C3orf20: variants seen among roughly 807,000 people sequenced by gnomAD.
C3orf20 encodes uncharacterized protein C3orf20.
A neutral mutation model predicts 88.3 loss-of-function variants in C3orf20; 76 were observed. The ratio of observed to expected loss-of-function variants is 0.86; its 90% CI spans 0.72 to 1.04. C3orf20 has a LOEUF of 1.04. Among genes scored for constraint, C3orf20 ranks in the 50% least tolerant of loss-of-function variants. C3orf20 has a pLI of 0.00. For missense variants in C3orf20, 1,056 were observed against 1,123.3 expected (o/e 0.94, Z 0.86); for synonymous variants, 436 against 437.4 (o/e 1.00, Z 0.04).
intron 12 of C3orf20, among the ~76,000 whole-genome samples, chr3:14,730,910 G>A (rs1362872599): frequency 6.6e-6 from 1 of 152,198 alleles, no homozygotes; most frequent in Non-Finnish European, 1.5e-5. Context: ...TGACTATAGA[G>A]GCTGAGCACC....
In C3orf20 at chr3:14,772,123, C is replaced by T; in HGVS notation, c.2552C>T (p.Ser851Leu). 1 of 1,614,228 alleles carries T rather than the reference C, an allele frequency of 6.2e-7. No homozygotes were observed. The highest frequency in any genetic ancestry group is 8.5e-7 in the Non-Finnish European group (1 of 1,180,040). ...EDSESVKKAESEDIQGSSSSL... is the reference protein window; with the variant it reads ...EDSESVKKAELEDIQGSSSSL... The stretch of plus-strand genomic sequence containing the variant: ...TCTGAATCAGTCAAGAAAGCCGAGT[C>T]AGAAGATATCCAAGGAAGCAGCTCC... Residue 851 changes from serine (S) to leucine (L), a missense_variant, in exon 16 of 17, where the codon TCA becomes TTA. By Grantham distance (145) the Ser-to-Leu change is moderately radical. Transcript: ENST00000253697. This position sits in a 1 kb window ranked among gnomAD's most constrained non-coding sequence, Gnocchi z 4.2.
chr3:14,756,497 T>C (rs867906254), intron 12 of C3orf20, among the ~76,000 whole-genome samples: 1 of 152,134 alleles, frequency 6.6e-6, no homozygotes, highest in Non-Finnish European at 1.5e-5. Flanking sequence ...GTAAAAGATA[T>C]GTTAGATAGC....
rs767887030 is a variant in C3orf20 at position 14,684,291 on chromosome 3, G to C, written c.534G>C (p.Gln178His). ...DITRRFVEASQLLHLNAKEMA... is the reference protein window; with the variant it reads ...DITRRFVEASHLLHLNAKEMA... ...CCAGGCGCTTTGTGGAGGCCAGCCAGCTCCTCCACCTCAATGCCAAGGAGA... is the reference window on the plus strand; with the variant it reads ...CCAGGCGCTTTGTGGAGGCCAGCCACCTCCTCCACCTCAATGCCAAGGAGA... Residue 178 changes from glutamine (Q) to histidine (H), a missense_variant, in exon 4 of 17, where the codon CAG becomes CAC. By Grantham distance (24) the Gln-to-His change is conservative. Coordinates refer to ENST00000253697, the MANE Select transcript of C3orf20 (RefSeq NM_032137.5). 1.2e-6 allele frequency: 2 copies of C among 1,614,072 alleles called. No homozygotes were observed. The highest frequency in any genetic ancestry group is 1.3e-5 in the African/African-American group (1 of 74,918).
In C3orf20 at chr3:14,738,807, A is replaced by ATTT. The variant is rs1221697056; in HGVS notation, c.1940+10124_1940+10126dup. On this transcript the variant is annotated intron_variant, in intron 12 of 16. Transcript: ENST00000253697. ...AGGCATGCACCACCATGCCTGGCTA[A>ATTT]TTTTTTTGTTTTTTTTTTTTTTTTT... Among the ~76,000 whole-genome samples, 244 of 98,814 alleles carry ATTT rather than the reference A, an allele frequency of 2.5e-3. 4 individuals are homozygous for ATTT. The highest frequency in any genetic ancestry group is 3.7e-3 in the Non-Finnish European group (187 of 49,930). 64.8% of individuals were successfully genotyped at this position (98,814 alleles called of 152,430 possible). A position where few individuals can be genotyped will look rare whatever the true frequency, so the allele number is the denominator to read the frequency against.
At chr3:14,736,800 C>T (rs2034725869) in intron 12 of C3orf20, among the ~76,000 whole-genome samples, 1 of 152,168 alleles carries the variant, frequency 6.6e-6, no homozygotes, top group Non-Finnish European at 1.5e-5. Flanking sequence ...CTCCTGACCT[C>T]AAGTGATCCA....
At chr3:14,756,989 G>A (rs567805663) in intron 12 of C3orf20, among the ~76,000 whole-genome samples, 1 of 152,304 alleles carries the variant, frequency 6.6e-6, no homozygotes, top group South Asian at 2.1e-4. Flanking sequence ...GAATGAAGGA[G>A]ACTTGGACCA....
intron 13 of C3orf20, 122 bp from the exon 14 acceptor site, chr3:14,759,769 G>T: frequency 1.3e-6 from 1 of 742,880 alleles, no homozygotes; most frequent in East Asian, 2.7e-5. Flanking sequence ...GGAGGAGTTG[G>T]GGAGAGGGAG....
intron 12 of C3orf20, among the ~76,000 whole-genome samples, chr3:14,749,246 G>C (rs2035149996): frequency 6.6e-6 from 1 of 152,004 alleles, no homozygotes; most frequent in African/African-American, 2.4e-5. Flanking sequence ...GTCTATTTTT[G>C]TCTGATATTA....
At chr3:14,715,012 C>A (rs148943615) in intron 8 of C3orf20, among the ~76,000 whole-genome samples, 4 of 152,222 alleles carry the variant, frequency 2.6e-5, no homozygotes, top group Admixed American at 6.5e-5. Flanking sequence ...ATTATACACT[C>A]AGGCTACTAG....
chr3:14,708,708 A>G (rs548812548), intron 7 of C3orf20, among the ~76,000 whole-genome samples: 30 of 152,238 alleles, frequency 2.0e-4, no homozygotes, highest in Middle Eastern at 3.4e-3. Flanking sequence ...CAGTGGTGCC[A>G]TCTCAGCTCA....
chr3:14,712,793 T>G (rs1018103076), intron 7 of C3orf20, among the ~76,000 whole-genome samples: 1 of 152,214 alleles, frequency 6.6e-6, no homozygotes, highest in Non-Finnish European at 1.5e-5. Context: ...TCCTTTCATT[T>G]CAGCCTGAAG....
intron 15 of C3orf20, among the ~76,000 whole-genome samples, chr3:14,770,702 T>C (rs2035838224): frequency 1.3e-5 from 2 of 152,082 alleles, no homozygotes; most frequent in African/African-American, 4.8e-5. Flanking sequence ...GCCGGACGCA[T>C]AGTAGAGGCT....
intron 1 of C3orf20, among the ~76,000 whole-genome samples, chr3:14,676,966 A>T (rs1024976202): frequency 1.3e-5 from 2 of 152,230 alleles, no homozygotes; most frequent in African/African-American, 4.8e-5. Context: ...TATGCTTAAC[A>T]GTACAGAGAA....
chr3:14,682,797 C>A lies in C3orf20; in HGVS notation c.84C>A (p.Leu28=), dbSNP rs1431806520. 1.2e-6 allele frequency: 2 copies of A among 1,614,170 alleles called. No individual in the cohort carries two copies. The highest frequency in any genetic ancestry group is 2.2e-5 in the South Asian group (2 of 91,086). The change falls in exon 3 of 17, where the codon CTC becomes CTA. Residue 28 remains leucine, a synonymous_variant. Coordinates refer to ENST00000253697, the MANE Select transcript of C3orf20 (RefSeq NM_032137.5). Reference sequence around the variant, plus strand: ...AGCTACTGGCCCGCATCTCCAAACTCCTCATGATCTGCCAGAATGCAGGCA... The same window carrying A: ...AGCTACTGGCCCGCATCTCCAAACTACTCATGATCTGCCAGAATGCAGGCA... ...APKLLARISK[L]LMICQNAGIS...
At position 14,684,259 on chromosome 3, in the gene C3orf20, G is replaced by A; in HGVS notation, c.502G>A (p.Asp168Asn). 6.2e-7 allele frequency: 1 copy of A among 1,614,110 alleles called. No homozygotes were observed. Among genetic ancestry groups the A allele is most frequent in the Non-Finnish European group, 8.5e-7 (1 of 1,180,010 alleles). The change falls in exon 4 of 17, where the codon GAC becomes AAC. Residue 168 changes from aspartate (D) to asparagine (N), a missense_variant. Coordinates refer to ENST00000253697, the MANE Select transcript of C3orf20 (RefSeq NM_032137.5). ...ESMSVGANPL[D>N]ITRRFVEASQ... ...TGCTTTAGTGGGTGCCAACCCCTTG[G>A]ACATCACCAGGCGCTTTGTGGAGGC...
chr3:14,719,600 C>T (rs891835035), intron 9 of C3orf20, among the ~76,000 whole-genome samples: 2 of 152,104 alleles, frequency 1.3e-5, no homozygotes, highest in African/African-American at 4.8e-5. Flanking sequence ...GGGTGAGAGA[C>T]TGGGGATAAT....
intron 12 of C3orf20, among the ~76,000 whole-genome samples, chr3:14,748,359 A>C (rs930680912): frequency 6.6e-6 from 1 of 152,032 alleles, no homozygotes; most frequent in Non-Finnish European, 1.5e-5. Flanking sequence ...TTTCTCTTTT[A>C]GTCAGTCTAG....
intron 5 of C3orf20, among the ~76,000 whole-genome samples, chr3:14,696,635 C>T (rs2033016155): frequency 6.6e-6 from 1 of 151,882 alleles, no homozygotes; most frequent in South Asian, 2.1e-4. Flanking sequence ...GCCTCGGCCT[C>T]CCAGAGTGCT....
At chr3:14,690,198 T>A in intron 5 of C3orf20, 82 bp downstream of exon 5, 2 of 1,587,722 alleles carry the variant, frequency 1.3e-6, no homozygotes, top group Non-Finnish European at 1.7e-6. Context: ...CCTGTGTAGG[T>A]TGGTGGGATG....
Sources: gnomAD v4.1 joint callset for allele counts (sites outside exome capture counted in the v4.1 genomes callset) on GRCh38, gnomAD v4.1.1 for gene constraint, Gnocchi (gnomAD v3.1) non-coding constraint, MANE v1.5 for transcripts, NCBI Gene and HGNC (gene_info 2026-07-23, HGNC 2026-07-21) for gene names.